TRPM6: variants seen among roughly 807,000 people sequenced by gnomAD.
TRPM6 encodes transient receptor potential cation channel subfamily M member 6.
TRPM6 carries 111 observed loss-of-function variants against 247.6 expected under a neutral mutation model. The ratio of observed to expected loss-of-function variants is 0.45; its 90% CI spans 0.38 to 0.52. The LOEUF (loss-of-function observed/expected upper bound fraction) is 0.52, where lower values mean the gene tolerates loss of function less well. Ranked by LOEUF, TRPM6 falls within the 20% of genes least tolerant of loss-of-function variation. The pLI is 0.00. For synonymous variants in TRPM6, 892 were observed against 853.8 expected (o/e 1.04, Z -0.78); for missense variants, 2,126 against 2,421.5 (o/e 0.88, Z 2.56).
chr9:74,789,516 T>C (rs961095897), intron 19 of TRPM6, among the ~76,000 whole-genome samples: 2 of 152,126 alleles, frequency 1.3e-5, no homozygotes, highest in Non-Finnish European at 1.5e-5. Flanking sequence ...TATCTGTCCA[T>C]GCGCATTGAA....
intron 25 of TRPM6, among the ~76,000 whole-genome samples, chr9:74,765,945 C>T (rs1051365527): frequency 1.8e-4 from 27 of 152,154 alleles, no homozygotes; most frequent in Non-Finnish European, 7.4e-5. Context: ...ACAAATGCTT[C>T]CTGACCTTCT....
chr9:74,848,637 A>C (rs1168624747), intron 3 of TRPM6, among the ~76,000 whole-genome samples: 13 of 152,180 alleles, frequency 8.5e-5, no homozygotes, highest in Admixed American at 8.5e-4. Context: ...CCTGGTCCAC[A>C]GTTTTCCTCA....
At chr9:74,862,192 T>G (rs1046179462) in intron 1 of TRPM6, among the ~76,000 whole-genome samples, 1 of 150,540 alleles carries the variant, frequency 6.6e-6, no homozygotes, top group Non-Finnish European at 1.5e-5. Flanking sequence ...AACCTCGTAA[T>G]AGTTCCTTTG....
chr9:74,742,731 G>T, intron 32 of TRPM6, 105 bp from the exon 33 acceptor site: 3 of 989,104 alleles, frequency 3.0e-6, no homozygotes, highest in South Asian at 1.4e-5. Flanking sequence ...TAATTTCAAA[G>T]ACCTCTTATT....
At chr9:74,772,883 G>A (rs1489249438) in intron 24 of TRPM6, among the ~76,000 whole-genome samples, 1 of 152,078 alleles carries the variant, frequency 6.6e-6, no homozygotes, top group Non-Finnish European at 1.5e-5. Context: ...TCTCGGCTTT[G>A]GAGCCCCCCT....
At chr9:74,743,361 T>C (rs1023947180) in intron 32 of TRPM6, among the ~76,000 whole-genome samples, 2 of 152,236 alleles carry the variant, frequency 1.3e-5, no homozygotes, top group African/African-American at 4.8e-5. Flanking sequence ...AATAAGCTCT[T>C]ACTCATGTAT....
At chr9:74,808,720 T>C (rs906252202) in intron 13 of TRPM6, among the ~76,000 whole-genome samples, 25 of 152,234 alleles carry the variant, frequency 1.6e-4, no homozygotes, top group African/African-American at 6.0e-4. Flanking sequence ...TATAACACTT[T>C]GCACTGCGTT....
At position 74,724,692 on chromosome 9, in the gene TRPM6, T is replaced by G. The variant is rs769242388; in HGVS notation, c.5990A>C (p.Glu1997Ala). ...CTCCTCAGCTGATTCTATTTTTATC[T>G]CAAGTCCAAAGGTGGAATTTATCCT... ...PERINSTFGL[E>A]IKIESAEEPP... The change falls in exon 39 of 39, where the codon GAG becomes GCG. Residue 1997 changes from glutamate to alanine, a missense_variant. By Grantham distance (107) the Glu-to-Ala change is moderately radical (BLOSUM62 -1). Around this residue, in one of 3 missense-constraint regions of TRPM6, gnomAD observed 327 missense variants for 397.7 expected, o/e 0.82. Coordinates refer to ENST00000360774, the MANE Select transcript of TRPM6 (RefSeq NM_017662.5). 6.2e-7 allele frequency: 1 copy of G among 1,614,200 alleles called. No homozygotes were observed. Among genetic ancestry groups the G allele is most frequent in the Admixed American group, 1.7e-5 (1 of 60,030 alleles).
Position 74,744,090 on chromosome 9 carries a change from C to T in TRPM6, c.5134+5G>A, listed in dbSNP as rs1825953664. 1 of 1,613,746 alleles carries T rather than the reference C, an allele frequency of 6.2e-7. No individual in the cohort carries two copies. Among genetic ancestry groups the T allele is most frequent in the Non-Finnish European group, 8.5e-7 (1 of 1,179,818 alleles). On this transcript the variant is annotated splice_donor_5th_base_variant and intron_variant, in intron 32 of 38. Coordinates refer to ENST00000360774, the MANE Select transcript of TRPM6 (RefSeq NM_017662.5). The stretch of plus-strand genomic sequence containing the variant: ...CTGACATGTCTATGTGCATATGCAT[C>T]CTACCTGAATAATGATGGTGAGGCT...
chr9:74,862,797 C>T (rs1041693134), intron 1 of TRPM6, among the ~76,000 whole-genome samples: 3 of 152,006 alleles, frequency 2.0e-5, no homozygotes, highest in Admixed American at 1.3e-4. Context: ...GCCTGGACAA[C>T]ATGGCAAAAC....
chr9:74,779,602 G>A (rs1377577756), intron 23 of TRPM6, among the ~76,000 whole-genome samples: 2 of 152,200 alleles, frequency 1.3e-5, no homozygotes, highest in Non-Finnish European at 2.9e-5. Flanking sequence ...CAGTTAAGAG[G>A]CATCTAGAAA....
At chr9:74,780,644 G>A (rs1213215411) in intron 23 of TRPM6, among the ~76,000 whole-genome samples, 2 of 152,150 alleles carry the variant, frequency 1.3e-5, no homozygotes, top group Non-Finnish European at 2.9e-5. Flanking sequence ...AATATAGGGA[G>A]TCAAAGACAG....
chr9:74,793,602 T>C (rs1486596484), intron 18 of TRPM6, among the ~76,000 whole-genome samples: 1 of 152,212 alleles, frequency 6.6e-6, no homozygotes, highest in African/African-American at 2.4e-5. Context: ...AATTATTTCC[T>C]TAACACAGAA....
At chr9:74,887,791 T>G (rs1831585919) in intron 1 of TRPM6, 33 bp downstream of exon 1, 1 of 1,614,146 alleles carries the variant, frequency 6.2e-7, no homozygotes. Context: ...CCTAAGGTCC[T>G]TGTTCCCCGC....
rs1431067303 is a variant in TRPM6, at chr9:74,820,421, C to T, written c.1017G>A (p.Leu339=). 4.3e-6 allele frequency: 7 copies of T among 1,614,096 alleles called. No homozygotes were observed. In the Admixed American group the frequency reaches 6.7e-5, roughly 15 times the overall value. The change falls in exon 9 of 39, where the codon CTG becomes CTA. Residue 339 remains leucine (L), a synonymous_variant. Transcript: ENST00000360774. ...THKHLADEGM[L]RPQVKEEIIC... The stretch of plus-strand genomic sequence containing the variant: ...TGATCTCCTCTTTCACCTGAGGTCG[C>T]AGCATCCTGGAAGAGAAATAAATGG...
chr9:74,850,243 G>A (rs1051278325), intron 3 of TRPM6, among the ~76,000 whole-genome samples: 11 of 151,932 alleles, frequency 7.2e-5, no homozygotes, highest in African/African-American at 2.7e-4. Flanking sequence ...GTGGTGGCAC[G>A]TGCCTGTAAT....
At chr9:74,845,394 ATC>A (rs1830077742) in intron 3 of TRPM6, among the ~76,000 whole-genome samples, 1 of 80 alleles carries the variant, frequency 0.013, no homozygotes, top group Non-Finnish European at 0.028. Context: ...CCAAATGTCC[ATC>A]GTGGAGAAGT....
intron 1 of TRPM6, among the ~76,000 whole-genome samples, chr9:74,871,189 A>G (rs1020096215): frequency 1.4e-5 from 2 of 142,338 alleles, no homozygotes; most frequent in African/African-American, 4.9e-5. Context: ...TTTTTTTCTA[A>G]TAGATAATAT....
intron 24 of TRPM6, 143 bp downstream of exon 24, chr9:74,775,740 C>G: frequency 1.2e-6 from 1 of 855,202 alleles, no homozygotes; most frequent in Non-Finnish European, 2.0e-6. Flanking sequence ...TTACTCAGAC[C>G]CAGAGCATCA....
Sources: gnomAD v4.1 joint callset for allele counts (sites outside exome capture counted in the v4.1 genomes callset) on GRCh38, gnomAD v4.1.1 for gene constraint, gnomAD v4.1.1 regional missense constraint, MANE v1.5 for transcripts, NCBI Gene and HGNC (gene_info 2026-07-23, HGNC 2026-07-21) for gene names.